The following B3GALNT2 variants were observed in gnomAD, a reference collection of about 807,000 sequenced individuals.
B3GALNT2 encodes the protein beta-1,3-N-acetylgalactosaminyltransferase 2, also known as UDP-GalNAc:beta-1,3-N-acetylgalactosaminyltransferase 2.
In B3GALNT2, 53 loss-of-function variants were observed where a neutral mutation model predicts 61.1. The observed-to-expected ratio is 0.87, with a 90% CI of 0.70 to 1.09. B3GALNT2 has a LOEUF of 1.09. Among genes scored for constraint, B3GALNT2 ranks in the 50% least tolerant of loss-of-function variants. B3GALNT2 has a pLI of 0.00. For synonymous variants in B3GALNT2, 223 were observed against 237.4 expected (o/e 0.94, Z 0.56); for missense variants, 544 against 623.0 (o/e 0.87, Z 1.35).
chr1:235,493,664 G>A (rs1413000846), intron 2 of B3GALNT2, among the ~76,000 whole-genome samples: 2 of 152,124 alleles, frequency 1.3e-5, no homozygotes, highest in African/African-American at 4.8e-5. Context: ...TGTAATCCCA[G>A]CTACTTGGGA....
intron 6 of B3GALNT2, among the ~76,000 whole-genome samples, chr1:235,468,894 A>AT (rs1360881383): frequency 6.6e-6 from 1 of 152,238 alleles, no homozygotes; most frequent in East Asian, 1.9e-4. Flanking sequence ...AAAATTTTTC[A>AT]TAAGACTTAA....
At chr1:235,456,762 A>T (rs1180635502) in intron 8 of B3GALNT2, among the ~76,000 whole-genome samples, 1 of 152,202 alleles carries the variant, frequency 6.6e-6, no homozygotes, top group Non-Finnish European at 1.5e-5. Flanking sequence ...TTCCACGCCT[A>T]GGAAATATCT....
rs1460754072 is a variant in B3GALNT2, at chr1:235,504,257, C to T, written c.-5G>A. On this transcript the variant is annotated 5_prime_UTR_variant, in exon 1 of 12. Coordinates refer to ENST00000366600, the MANE Select transcript of B3GALNT2 (RefSeq NM_152490.5). ...CAGCACCAGCCAGTTTCGCATTGGC[C>T]GCCCCCGCCGCGAGCCGGGCTCTCC... is the stretch of plus-strand genomic sequence containing the variant. The T allele has an allele frequency of 2.2e-5, 33 of 1,486,004 alleles. No individual in the cohort carries two copies. The highest frequency in any genetic ancestry group is 2.2e-4 in the Middle Eastern group (1 of 4,536). 92.1% of individuals were successfully genotyped at this position (1,486,004 alleles called of 1,614,324 possible).
At chr1:235,474,988 T>TATATATATATATA (rs1491560842) in intron 5 of B3GALNT2, among the ~76,000 whole-genome samples, 18 of 19,120 alleles carry the variant, frequency 9.4e-4, no homozygotes, top group Admixed American at 2.3e-3. Context: ...TATATATATA[T>TATATATATATATA]TTTTTTTTTT....
rs1316874618 is a variant in B3GALNT2, at chr1:235,474,971, ATATATATATATATATATTTTTT to A, written c.652-4033_652-4012del. ...GAGACATATATATATATATATATAT[ATATATATATATATATATTTTTT>A]TTTTTTTTTTTTTTTTTGAGACGGA... On this transcript the variant is annotated intron_variant, in intron 5 of 11. Coordinates refer to ENST00000366600, the MANE Select transcript of B3GALNT2 (RefSeq NM_152490.5). Among the ~76,000 whole-genome samples the A allele has an allele frequency of 2.3e-3, 69 of 30,100 alleles. 11 individuals are homozygous for A. The Admixed American group carries it at 0.024, about 11-fold the overall frequency. 19.7% of individuals were successfully genotyped at this position (30,100 alleles called of 152,430 possible). A position where few individuals can be genotyped will look rare whatever the true frequency, so the allele number is the denominator to read the frequency against.
At chr1:235,494,598 G>A (rs1268311792) in intron 2 of B3GALNT2, 83 bp downstream of exon 2, 4 of 1,426,316 alleles carry the variant, frequency 2.8e-6, no homozygotes, top group South Asian at 2.6e-5. Context: ...CTGGGACGAC[G>A]GGCACACACC....
At chr1:235,499,943 T>C (rs550369561) in intron 1 of B3GALNT2, among the ~76,000 whole-genome samples, 64 of 152,142 alleles carry the variant, frequency 4.2e-4, no homozygotes, top group Admixed American at 1.0e-3. Context: ...TAGAGTAATA[T>C]GTTTAGGTTT....
At chr1:235,496,985 T>C (rs1685358947) in intron 1 of B3GALNT2, among the ~76,000 whole-genome samples, 2 of 152,244 alleles carry the variant, frequency 1.3e-5, no homozygotes, top group Admixed American at 1.3e-4. Context: ...TACAGCTTAA[T>C]ATAGCTTATC....
Position 235,504,256 on chromosome 1 carries a change from C to G in B3GALNT2, c.-4G>C, listed in dbSNP as rs1031574410. The G allele has an allele frequency of 2.0e-6, 3 of 1,485,832 alleles. No homozygotes were observed. Among genetic ancestry groups the G allele is most frequent in the Admixed American group, 4.3e-5 (2 of 45,994 alleles). The allele number at this position is 1,485,832 out of a possible 1,614,324, so 92.0% of individuals were successfully genotyped here. On this transcript the variant is annotated 5_prime_UTR_variant, in exon 1 of 12. Coordinates refer to ENST00000366600, the MANE Select transcript of B3GALNT2 (RefSeq NM_152490.5). ...GCAGCACCAGCCAGTTTCGCATTGG[C>G]CGCCCCCGCCGCGAGCCGGGCTCTC...
chr1:235,463,566 C>CTTTTT (rs34433888), intron 7 of B3GALNT2: 12 of 106,538 alleles, frequency 1.1e-4, no homozygotes, highest in East Asian at 5.3e-4. Flanking sequence ...TTCCTAATTT[C>CTTTTT]TTTTTTTTTT....
At chr1:235,441,336 G>T in the B3GALNT2 span, 1 of 216,920 alleles carries the variant, frequency 4.6e-6, no homozygotes, top group South Asian at 7.5e-5. Context: ...GCCTGGCACT[G>T]CACGGTCTGG....
At chr1:235,500,521 A>C (rs1035213008) in intron 1 of B3GALNT2, among the ~76,000 whole-genome samples, 7 of 152,192 alleles carry the variant, frequency 4.6e-5, no homozygotes, top group Admixed American at 3.9e-4. Flanking sequence ...TGACATCAAA[A>C]TTGATTGCTC....
chr1:235,501,696 C>G (rs1047309376), intron 1 of B3GALNT2, among the ~76,000 whole-genome samples: 2 of 150,328 alleles, frequency 1.3e-5, no homozygotes, highest in African/African-American at 2.5e-5. Context: ...ATCGCTCTTT[C>G]AAAAAAAACA....
chr1:235,489,053 A>G, intron 3 of B3GALNT2, 115 bp downstream of exon 3: 1 of 1,333,998 alleles, frequency 7.5e-7, no homozygotes, highest in Non-Finnish European at 9.8e-7. Context: ...CTGTCTCTAA[A>G]ACACATAATA....
chr1:235,474,980 TA>T (rs1558425450), intron 5 of B3GALNT2, among the ~76,000 whole-genome samples: 56 of 32,566 alleles, frequency 1.7e-3, no homozygotes, highest in Admixed American at 5.5e-3. Context: ...TATATATATA[TA>T]TATATATTTT....
Position 235,504,169 on chromosome 1 carries a change from G to T in B3GALNT2, c.84C>A (p.Pro28=). The T allele has an allele frequency of 1.5e-6, 2 of 1,295,126 alleles. No homozygotes were observed. The highest frequency in any genetic ancestry group is 2.4e-5 in the South Asian group (1 of 41,272). The allele number at this position is 1,295,126 out of a possible 1,614,324, so 80.2% of individuals were successfully genotyped here. A position where few individuals can be genotyped will look rare whatever the true frequency, so the allele number is the denominator to read the frequency against. Residue 28 remains proline, a synonymous_variant, in exon 1 of 12, where the codon CCC becomes CCA. Coordinates refer to ENST00000366600, the MANE Select transcript of B3GALNT2 (RefSeq NM_152490.5). The part of the protein sequence containing the change: ...HLWLRLRSPP[P]ACASGAGPAD... The stretch of plus-strand genomic sequence containing the variant: ...CAGGGCCGGCCCCGGAGGCGCAGGC[G>T]GGCGGCGGGGAGCGCAGCCGCAGCC...
chr1:235,471,966 A>AT (rs1316754345), intron 5 of B3GALNT2, among the ~76,000 whole-genome samples: 1 of 150,714 alleles, frequency 6.6e-6, no homozygotes, highest in Non-Finnish European at 1.5e-5. Flanking sequence ...CCCTGCCTGA[A>AT]TTTAAAAAAA....
At chr1:235,460,110 TTC>T (rs1683350253) in intron 7 of B3GALNT2, among the ~76,000 whole-genome samples, 18 of 1,230 alleles carry the variant, frequency 0.015, no homozygotes, top group African/African-American at 0.037. Flanking sequence ...TTTTCTTTCT[TTC>T]CTCTTTCTTT....
intron 2 of B3GALNT2, among the ~76,000 whole-genome samples, chr1:235,493,914 T>C (rs1017361561): frequency 6.6e-6 from 1 of 152,186 alleles, no homozygotes; most frequent in African/African-American, 2.4e-5. Flanking sequence ...CTTCTATGCG[T>C]TTCTTCCCCT....
Sources: allele counts gnomAD v4.1 joint callset (sites outside exome capture counted in the v4.1 genomes callset), GRCh38; gene constraint gnomAD v4.1.1; transcripts MANE v1.5; gene names NCBI Gene and HGNC (gene_info 2026-07-23, HGNC 2026-07-21).